RHOBTB3: variants seen among roughly 807,000 people sequenced by gnomAD.
The protein encoded by RHOBTB3 is Rho related BTB domain containing 3.
A neutral mutation model predicts 67.2 loss-of-function variants in RHOBTB3; 47 were observed. The observed-to-expected ratio is 0.70, with a 90% CI of 0.55 to 0.89. RHOBTB3 has a LOEUF of 0.89. Ranked by LOEUF, RHOBTB3 falls within the 40% of genes least tolerant of loss-of-function variation. The pLI is 0.00. For missense variants in RHOBTB3, 631 were observed against 750.0 expected, an observed-to-expected ratio of 0.84 and a Z score of 1.85; for synonymous variants, 273 against 274.2, an observed-to-expected ratio of 1.00 and a Z score of 0.04.
intron 11 of RHOBTB3, chr5:95,789,355 T>C (rs1278698519): frequency 6.6e-6 from 1 of 152,446 alleles, no homozygotes; most frequent in Non-Finnish European, 1.5e-5. Context: ...ATAACAGTTT[T>C]TCATATATAA....
At position 95,793,994 on chromosome 5, in the gene RHOBTB3, CA is replaced by C. The variant is rs1268004537; in HGVS notation, c.*823del. On this transcript the variant is annotated 3_prime_UTR_variant, in exon 12 of 12. Coordinates refer to ENST00000379982, the MANE Select transcript of RHOBTB3 (RefSeq NM_014899.4). ...GGGAAATATCCTATGTTTTCTTGCT[CA>C]AACACCTTTCTCTCTGAAAGCAGAA... The C allele has an allele frequency of 2.2e-6, 1 of 456,176 alleles. No homozygotes were observed. The allele number at this position is 456,176 out of a possible 1,614,324, so 28.3% of individuals were successfully genotyped here.
chr5:95,785,064 A>G (rs557868751), intron 10 of RHOBTB3, among the ~76,000 whole-genome samples: 2 of 152,332 alleles, frequency 1.3e-5, no homozygotes, highest in South Asian at 2.1e-4. Context: ...TTTTATCTCC[A>G]TCCACATTGC....
intron 11 of RHOBTB3, chr5:95,789,700 G>C (rs1746320317): frequency 6.6e-6 from 1 of 152,144 alleles, no homozygotes; most frequent in Non-Finnish European, 1.5e-5. Flanking sequence ...AGGAGAGAGA[G>C]AGGGAGTAAG....
chr5:95,761,910 A>G (rs1411628730), intron 6 of RHOBTB3, among the ~76,000 whole-genome samples: 1 of 152,198 alleles, frequency 6.6e-6, no homozygotes, highest in Non-Finnish European at 1.5e-5. Flanking sequence ...AATTTATGAG[A>G]TGGGAAAAGA....
intron 6 of RHOBTB3, among the ~76,000 whole-genome samples, chr5:95,760,913 G>T (rs1194742485): frequency 6.6e-6 from 1 of 152,324 alleles, no homozygotes; most frequent in South Asian, 2.1e-4. Flanking sequence ...GGACCTAAAA[G>T]TCTCAAAGAT....
Position 95,768,077 on chromosome 5 carries a change from A to C in RHOBTB3, c.1193A>C (p.Gln398Pro). 1 of 1,613,402 alleles carries C rather than the reference A, an allele frequency of 6.2e-7. No homozygotes were observed. Among genetic ancestry groups the C allele is most frequent in the Non-Finnish European group, 8.5e-7 (1 of 1,179,456 alleles). The change falls in exon 8 of 12, where the codon CAA becomes CCA. Residue 398 changes from glutamine to proline, a missense_variant. Physicochemically the swap from Gln to Pro is moderately conservative, Grantham distance 76 (BLOSUM62 -1). Coordinates refer to ENST00000379982, the MANE Select transcript of RHOBTB3 (RefSeq NM_014899.4). ...TGCCTAAGGAATTGCAAAACCTATC[A>C]AGCCAGAAAACCTTTGTGGTTTTAT... Reference protein sequence around the residue: ...INCLRNCKTYQARKPLWFYNT... With the variant: ...INCLRNCKTYPARKPLWFYNT...
At position 95,775,406 on chromosome 5, in the gene RHOBTB3, G is replaced by GTATA. The variant is rs70978192; in HGVS notation, c.1283-4833_1283-4830dup. 4.0e-3 allele frequency among the ~76,000 whole-genome samples: 580 copies of GTATA among 144,194 alleles called. 5 individuals are homozygous for GTATA. Among genetic ancestry groups the GTATA allele is most frequent in the Non-Finnish European group, 6.0e-3 (398 of 65,936 alleles). The allele number at this position is 144,194 out of a possible 152,430, so 94.6% of individuals were successfully genotyped here. Reference sequence around the variant, plus strand: ...AGAATGTGTGTGTATATATATATGTGTATATATATATATATACACATATAT... The same window carrying GTATA: ...AGAATGTGTGTGTATATATATATGTGTATATATATATATATATATACACATATAT... On this transcript the variant is annotated intron_variant, in intron 8 of 11. Transcript: ENST00000379982.
At chr5:95,779,872 G>T (rs1167379174) in intron 8 of RHOBTB3, 1 of 194,254 alleles carries the variant, frequency 5.1e-6, no homozygotes, top group African/African-American at 2.3e-5. Flanking sequence ...AGGGTAATGG[G>T]GTTGTTTTCT....
At position 95,731,675 on chromosome 5, in the gene RHOBTB3, T is replaced by A. The variant is rs368789509; in HGVS notation, c.-8T>A. 5.6e-6 allele frequency: 9 copies of A among 1,613,336 alleles called. No individual in the cohort carries two copies. In the African/African-American group the frequency reaches 1.2e-4, roughly 22 times the overall value. ...CCGAGTCGCCGCCCTGCCCTTGGATTTGAGATCATGTACGTACGCGCCGCC... is the reference window on the plus strand; with the variant it reads ...CCGAGTCGCCGCCCTGCCCTTGGATATGAGATCATGTACGTACGCGCCGCC... On this transcript the variant is annotated 5_prime_UTR_variant, in exon 1 of 12. The change creates a new upstream start codon in the 5' untranslated region. Transcript: ENST00000379982.
chr5:95,733,261 A>G (rs1055939252), intron 2 of RHOBTB3, among the ~76,000 whole-genome samples: 1 of 152,234 alleles, frequency 6.6e-6, no homozygotes, highest in African/African-American at 2.4e-5. Context: ...TGCTGTTCAT[A>G]AGAAGTATTG....
chr5:95,761,135 A>T lies in RHOBTB3; in HGVS notation c.1049-2373A>T, dbSNP rs567707326. Among the ~76,000 whole-genome samples the T allele has an allele frequency of 8.1e-4, 124 of 152,246 alleles. 2 individuals carry two copies. The highest frequency in any genetic ancestry group is 6.8e-3 in the Middle Eastern group (2 of 294). ...ATAATCTTCTGAATGGAGATATTTT[A>T]TAGGTGTTTTTTAGTTAATATGCTT... On this transcript the variant is annotated intron_variant, in intron 6 of 11. Coordinates refer to ENST00000379982, the MANE Select transcript of RHOBTB3 (RefSeq NM_014899.4).
chr5:95,788,693 G>T, intron 10 of RHOBTB3, 69 bp from the exon 11 acceptor site: 2 of 1,033,000 alleles, frequency 1.9e-6, no homozygotes, highest in East Asian at 2.6e-5. Context: ...CTCCCAGGCC[G>T]TTCTCTTGAT....
At chr5:95,737,508 G>A (rs1320213805) in intron 3 of RHOBTB3, among the ~76,000 whole-genome samples, 1 of 152,188 alleles carries the variant, frequency 6.6e-6, no homozygotes, top group Non-Finnish European at 1.5e-5. Flanking sequence ...CACTGACAGT[G>A]CTGCCTAAAA....
chr5:95,777,015 C>A (rs1745906441), intron 8 of RHOBTB3, among the ~76,000 whole-genome samples: 1 of 152,128 alleles, frequency 6.6e-6, no homozygotes, highest in Admixed American at 6.5e-5. Context: ...GATACCATCC[C>A]CTGTAATAGG....
At chr5:95,778,693 C>T (rs1163826353) in intron 8 of RHOBTB3, among the ~76,000 whole-genome samples, 1 of 152,108 alleles carries the variant, frequency 6.6e-6, no homozygotes, top group Non-Finnish European at 1.5e-5. Context: ...AATATAGTGC[C>T]CTATTTATCT....
intron 5 of RHOBTB3, among the ~76,000 whole-genome samples, chr5:95,753,564 A>C (rs1580407684): frequency 6.6e-6 from 1 of 152,292 alleles, no homozygotes; most frequent in East Asian, 1.9e-4. Flanking sequence ...AAAAGTGCAG[A>C]TATATAGACC....
chr5:95,749,657 G>A (rs72783460), intron 4 of RHOBTB3, among the ~76,000 whole-genome samples: 5,959 of 152,202 alleles, frequency 0.039, 186 homozygotes, highest in South Asian at 0.13. Flanking sequence ...TTAATTTGGC[G>A]AAGAATGGTG....
intron 3 of RHOBTB3, among the ~76,000 whole-genome samples, chr5:95,741,782 A>G (rs1755608598): frequency 1.3e-5 from 2 of 152,124 alleles, no homozygotes; most frequent in Admixed American, 1.3e-4. Flanking sequence ...TTCATTTATG[A>G]TAAATGTGCT....
intron 3 of RHOBTB3, among the ~76,000 whole-genome samples, chr5:95,748,027 C>T (rs1744971206): frequency 1.3e-5 from 2 of 152,200 alleles, no homozygotes; most frequent in South Asian, 2.1e-4. Context: ...TACTGATATT[C>T]AGGATGTCAA....
Sources: allele counts gnomAD v4.1 joint callset (sites outside exome capture counted in the v4.1 genomes callset), GRCh38; gene constraint gnomAD v4.1.1; transcripts MANE v1.5; gene names NCBI Gene and HGNC (gene_info 2026-07-23, HGNC 2026-07-21).